The following TIMM44 variants were observed in gnomAD, a reference collection of about 807,000 sequenced individuals.
TIMM44 encodes the protein translocase of inner mitochondrial membrane 44.
A neutral mutation model predicts 63.8 loss-of-function variants in TIMM44; 37 were observed. That is an observed-to-expected ratio of 0.58 (90% confidence interval 0.45 to 0.76). The LOEUF (loss-of-function observed/expected upper bound fraction) is 0.76, where lower values mean the gene tolerates loss of function less well. Ranked by LOEUF, TIMM44 falls within the 30% of genes least tolerant of loss-of-function variation. The pLI, the probability that TIMM44 is intolerant of heterozygous loss-of-function variation, is 0.00. For synonymous variants in TIMM44, 239 were observed against 245.1 expected (o/e 0.98, Z 0.23); for missense variants, 573 against 603.8 (o/e 0.95, Z 0.54).
intron 3 of TIMM44, among the ~76,000 whole-genome samples, chr19:7,936,170 G>C (rs1984149810): frequency 6.6e-6 from 1 of 151,540 alleles, no homozygotes; most frequent in Non-Finnish European, 1.5e-5. Flanking sequence ...ACCAAACTAG[G>C]CTGGGCACGG....
intron 9 of TIMM44, chr19:7,932,287 G>A (rs1022577073): frequency 2.5e-5 from 9 of 366,728 alleles, no homozygotes; most frequent in African/African-American, 1.9e-4. Context: ...GAAGACAGAC[G>A]CCCACTTCTC....
In TIMM44 at chr19:7,933,860, C is replaced by A. The variant is rs1984058480; in HGVS notation, c.683+4G>T. 1.9e-6 allele frequency: 3 copies of A among 1,614,100 alleles called. No individual in the cohort carries two copies. Among genetic ancestry groups the A allele is most frequent in the Non-Finnish European group, 2.5e-6 (3 of 1,180,020 alleles). On this transcript the variant is annotated splice_donor_region_variant and intron_variant, in intron 6 of 12. Transcript: ENST00000270538. The surrounding 1 kb of genome is among the most constrained non-coding windows in gnomAD (Gnocchi z 4.3). ...GGCAGCGAGGGCCACGGGCTGGTAC[C>A]TACTCGTTTGGCTCAAACACTTTCT...
Position 7,927,433 on chromosome 19 carries a change from GCA to G in TIMM44, c.1240-129_1240-128del, listed in dbSNP as rs746352160. The G allele has an allele frequency of 1.0e-3, 1,298 of 1,239,236 alleles. 4 individuals carry two copies. The highest frequency in any genetic ancestry group is 2.6e-3 in the Admixed American group (154 of 58,236). The allele number at this position is 1,239,236 out of a possible 1,614,324, so 76.8% of individuals were successfully genotyped here. On this transcript the variant is annotated intron_variant, in intron 12 of 12. Transcript: ENST00000270538. ...CCCCAGGGGCTGGGAGCAGAGGCCA[GCA>G]CAATTGCCTAGACTCAGGAACCACT...
chr19:7,937,952 A>G, intron 3 of TIMM44, 75 bp downstream of exon 3: 2 of 1,561,256 alleles, frequency 1.3e-6, no homozygotes, highest in Non-Finnish European at 1.8e-6. Flanking sequence ...TGGGAGGTGG[A>G]GGTTGCAGTG....
chr19:7,928,535 C>T (rs1405290996), intron 10 of TIMM44: 1 of 261,072 alleles, frequency 3.8e-6, no homozygotes, highest in Non-Finnish European at 7.6e-6. Context: ...GATCAAACGC[C>T]TCTTCTAGGA....
chr19:7,927,214 C>G lies in TIMM44; in HGVS notation c.1332G>C (p.Ser444=). The change falls in exon 13 of 13, where the codon TCG becomes TCC. Residue 444 remains serine (S), a synonymous_variant. Transcript: ENST00000270538. ...AGAGAATCTGCTCGGTGCTGGAGGCCGAGATGTCCAGGAGCCGCCAGGCCG... is the reference window on the plus strand; with the variant it reads ...AGAGAATCTGCTCGGTGCTGGAGGCGGAGATGTCCAGGAGCCGCCAGGCCG... ...PYAAWRLLDI[S]ASSTEQIL 1.2e-6 allele frequency: 2 copies of G among 1,611,180 alleles called. No individual in the cohort carries two copies. The highest frequency in any genetic ancestry group is 1.1e-5 in the South Asian group (1 of 91,062).
Position 7,941,151 on chromosome 19 carries a change from G to C in TIMM44, c.92C>G (p.Pro31Arg). The change falls in exon 2 of 13, where the codon CCC becomes CGC. Residue 31 changes from proline (P) to arginine (R), a missense_variant. Transcript: ENST00000270538. ...GCGCATCTGATAGGTCGACCCATGG[G>C]GTAGGTTGTGGCTGGAAAGAAATTG... ...GIQFLSSHNL[P>R]HGSTYQMRRP... The C allele has an allele frequency of 6.2e-7, 1 of 1,614,138 alleles. No individual in the cohort carries two copies. Among genetic ancestry groups the C allele is most frequent in the African/African-American group, 1.3e-5 (1 of 75,050 alleles).
intron 1 of TIMM44, among the ~76,000 whole-genome samples, chr19:7,942,721 C>A (rs188246085): frequency 1.0e-3 from 155 of 149,356 alleles, no homozygotes; most frequent in Admixed American, 3.1e-3. Flanking sequence ...AGTAAAGTGG[C>A]AGGATCTCGG....
chr19:7,941,543 G>T (rs1344891236), intron 1 of TIMM44, among the ~76,000 whole-genome samples: 1 of 151,862 alleles, frequency 6.6e-6, no homozygotes, highest in African/African-American at 2.4e-5. Flanking sequence ...CCCTCCCCCG[G>T]TTTTCCAAAG....
chr19:7,933,599 G>A lies in TIMM44; in HGVS notation c.684-29C>T. The A allele has an allele frequency of 6.3e-7, 1 of 1,598,338 alleles. No homozygotes were observed. Among genetic ancestry groups the A allele is most frequent in the Middle Eastern group, 1.7e-4 (1 of 6,032 alleles). On this transcript the variant is annotated intron_variant, in intron 6 of 12. Coordinates refer to ENST00000270538, the MANE Select transcript of TIMM44 (RefSeq NM_006351.4). This position sits in a 1 kb window ranked among gnomAD's most constrained non-coding sequence, Gnocchi z 4.3. ...GGGAAGAGGGTGGGCCCTGGGGTGAGCGGCGGCGCCAGGGCCACCCTGTGC... is the reference window on the plus strand; with the variant it reads ...GGGAAGAGGGTGGGCCCTGGGGTGAACGGCGGCGCCAGGGCCACCCTGTGC...
chr19:7,936,094 G>A (rs2145178287), intron 3 of TIMM44, among the ~76,000 whole-genome samples: 1 of 152,298 alleles, frequency 6.6e-6, no homozygotes, highest in Admixed American at 6.5e-5. Flanking sequence ...GGTCAAAACT[G>A]CAGTGAGCTG....
intron 12 of TIMM44, 37 bp from the exon 13 acceptor site, chr19:7,927,343 T>G (rs752689368): frequency 1.2e-6 from 2 of 1,603,548 alleles, no homozygotes; most frequent in Admixed American, 1.7e-5. Flanking sequence ...GTTGAGAGGG[T>G]TGAGGTGACC....
chr19:7,936,345 G>A (rs1178088002), intron 3 of TIMM44, among the ~76,000 whole-genome samples: 1 of 152,102 alleles, frequency 6.6e-6, no homozygotes, highest in African/African-American at 2.4e-5. Flanking sequence ...CAGCTATTTG[G>A]AAGGCTGAGG....
chr19:7,927,369 G>T (rs1983844530), intron 12 of TIMM44, 63 bp from the exon 13 acceptor site: 3 of 1,589,254 alleles, frequency 1.9e-6, no homozygotes, highest in Admixed American at 3.3e-5. Context: ...AGCTCTGGGG[G>T]GGGGCCAGGC....
intron 11 of TIMM44, 154 bp downstream of exon 11, chr19:7,927,923 C>G (rs1292754195): frequency 3.7e-6 from 4 of 1,086,960 alleles, no homozygotes; most frequent in African/African-American, 1.6e-5. Flanking sequence ...AGGCCAGGAC[C>G]AGGCCTCCCT....
Position 7,943,137 on chromosome 19 carries a change from G to A in TIMM44, c.45+470C>T, listed in dbSNP as rs560944531. Reference sequence around the variant, plus strand: ...CGCCTTACACGTCTTGACTGCCACTGCCCTGTGGACCCAAGAGCCTGCTAG... The same window carrying A: ...CGCCTTACACGTCTTGACTGCCACTACCCTGTGGACCCAAGAGCCTGCTAG... On this transcript the variant is annotated intron_variant, in intron 1 of 12. Coordinates refer to ENST00000270538, the MANE Select transcript of TIMM44 (RefSeq NM_006351.4). The surrounding 1 kb of genome is among the most constrained non-coding windows in gnomAD (Gnocchi z 4.3). 3.9e-5 allele frequency among the ~76,000 whole-genome samples: 6 copies of A among 152,028 alleles called. No homozygotes were observed. The East Asian group carries it at 1.2e-3, about 29-fold the overall frequency.
intron 3 of TIMM44, chr19:7,935,349 G>C: frequency 1.8e-6 from 1 of 565,812 alleles, no homozygotes; most frequent in Non-Finnish European, 3.1e-6. Flanking sequence ...ATTTTCAGTA[G>C]AGACAGGGTT....
At chr19:7,941,008 C>G (rs549842204) in intron 2 of TIMM44, 94 bp downstream of exon 2, 2 of 1,003,564 alleles carry the variant, frequency 2.0e-6, no homozygotes, top group South Asian at 2.6e-5. Context: ...TGGTACGAGC[C>G]ACCTCTACAG....
At chr19:7,937,389 C>T (rs530826634) in intron 3 of TIMM44, among the ~76,000 whole-genome samples, 73 of 152,358 alleles carry the variant, frequency 4.8e-4, no homozygotes, top group African/African-American at 1.6e-3. Context: ...GGTGTGCATG[C>T]GTTGCCTGGG....
Sources: gnomAD v4.1 joint callset for allele counts (sites outside exome capture counted in the v4.1 genomes callset) on GRCh38, gnomAD v4.1.1 for gene constraint, Gnocchi (gnomAD v3.1) non-coding constraint, MANE v1.5 for transcripts, NCBI Gene and HGNC (gene_info 2026-07-23, HGNC 2026-07-21) for gene names.